The following SVOP variants were observed in gnomAD, a reference collection of about 807,000 sequenced individuals.
The protein encoded by SVOP is SV2 related protein.
Under a neutral mutation model 69.1 loss-of-function variants are expected in SVOP, and 17 were observed. The ratio of observed to expected loss-of-function variants is 0.25; its 90% CI spans 0.17 to 0.37. The LOEUF (loss-of-function observed/expected upper bound fraction) is 0.37. Among genes scored for constraint, SVOP ranks in the 10% least tolerant of loss-of-function variants. The pLI is 1.00. For synonymous variants in SVOP, 238 were observed against 238.6 expected, an observed-to-expected ratio of 1.00 and a Z score of 0.02; for missense variants, 435 against 597.5, an observed-to-expected ratio of 0.73 and a Z score of 2.84.
intron 12 of SVOP, among the ~76,000 whole-genome samples, chr12:108,922,269 T>C (rs1011395317): frequency 1.3e-5 from 2 of 152,202 alleles, no homozygotes; most frequent in Non-Finnish European, 2.9e-5. Context: ...GGCAGGCTAT[T>C]ATAAAATATT....
intron 6 of SVOP, among the ~76,000 whole-genome samples, chr12:108,960,038 T>A (rs2040008672): frequency 6.6e-6 from 1 of 152,212 alleles, no homozygotes; most frequent in South Asian, 2.1e-4. Flanking sequence ...GGTAAACCGT[T>A]TAGAACAGCA....
chr12:108,925,383 CCT>C (rs1338129789), intron 11 of SVOP, among the ~76,000 whole-genome samples: 1 of 152,164 alleles, frequency 6.6e-6, no homozygotes, highest in Non-Finnish European at 1.5e-5. Flanking sequence ...CGTCAACCAT[CCT>C]CTCTCATCTG....
chr12:108,923,259 A>C (rs12580021), intron 11 of SVOP, among the ~76,000 whole-genome samples: 43,775 of 152,090 alleles, frequency 0.29, 7,549 homozygotes, highest in Admixed American at 0.49. Context: ...GATTGCATTA[A>C]ACAAGACTGA....
chr12:108,916,388 T>G (rs2039713931), intron 14 of SVOP, among the ~76,000 whole-genome samples: 1 of 152,196 alleles, frequency 6.6e-6, no homozygotes, highest in African/African-American at 2.4e-5. Flanking sequence ...TTCCCATGTC[T>G]GCTGGCTGCG....
intron 1 of SVOP, among the ~76,000 whole-genome samples, chr12:109,018,894 C>A (rs1449542457): frequency 1.3e-5 from 2 of 152,108 alleles, no homozygotes; most frequent in African/African-American, 4.8e-5. Flanking sequence ...TTCACAATAA[C>A]CTTATGAATT....
At chr12:108,926,133 T>C (rs2039778990) in intron 11 of SVOP, among the ~76,000 whole-genome samples, 1 of 152,016 alleles carries the variant, frequency 6.6e-6, no homozygotes, top group Non-Finnish European at 1.5e-5. Context: ...ATTGCCCAGG[T>C]TGGTCTCGAA....
At chr12:108,968,153 G>A (rs958942487) in intron 5 of SVOP, among the ~76,000 whole-genome samples, 3 of 152,228 alleles carry the variant, frequency 2.0e-5, no homozygotes, top group African/African-American at 7.2e-5. Context: ...GAAAGTAGCA[G>A]AGAGTGGAAA....
At chr12:108,978,897 AAATT>A (rs2040120912) in intron 2 of SVOP, among the ~76,000 whole-genome samples, 1 of 152,270 alleles carries the variant, frequency 6.6e-6, no homozygotes, top group Non-Finnish European at 1.5e-5. Flanking sequence ...TTGGCTAAAT[AAATT>A]AAGTAGATAT....
chr12:108,997,645 C>G (rs1403778032), intron 1 of SVOP, among the ~76,000 whole-genome samples: 1 of 151,282 alleles, frequency 6.6e-6, no homozygotes, highest in Admixed American at 6.6e-5. Flanking sequence ...TCAAGTGGGT[C>G]CCTGACCCCT....
At chr12:108,937,134 T>C in intron 10 of SVOP, 130 bp downstream of exon 10, 1 of 805,260 alleles carries the variant, frequency 1.2e-6, no homozygotes, top group Non-Finnish European at 2.2e-6. Flanking sequence ...AGGAGGATGA[T>C]GTTCGAACTA....
intron 7 of SVOP, among the ~76,000 whole-genome samples, chr12:108,942,864 A>G (rs1413950521): frequency 6.6e-6 from 1 of 152,206 alleles, no homozygotes; most frequent in Non-Finnish European, 1.5e-5. Flanking sequence ...TCCCAGGCTC[A>G]AGCAATTATC....
chr12:108,926,322 G>A (rs187111366), intron 11 of SVOP: 4 of 152,246 alleles, frequency 2.6e-5, no homozygotes, highest in Admixed American at 2.6e-4. Flanking sequence ...TTTGCTTAGG[G>A]TAATGGCCTC....
chr12:108,923,075 A>C (rs12579999), intron 11 of SVOP, among the ~76,000 whole-genome samples: 43,863 of 152,154 alleles, frequency 0.29, 7,582 homozygotes, highest in Admixed American at 0.5. Context: ...TGTGCTTAGT[A>C]CAGAATTGGC....
intron 1 of SVOP, among the ~76,000 whole-genome samples, chr12:109,000,168 G>A (rs2040260557): frequency 6.6e-6 from 1 of 152,194 alleles, no homozygotes; most frequent in South Asian, 2.1e-4. Context: ...TACCATCAGA[G>A]AATAGTACAA....
intron 11 of SVOP, among the ~76,000 whole-genome samples, chr12:108,926,711 G>A (rs970324868): frequency 6.6e-6 from 1 of 152,330 alleles, no homozygotes; most frequent in Admixed American, 6.5e-5. Context: ...GCAGTTGACT[G>A]CCCTATACAT....
intron 1 of SVOP, among the ~76,000 whole-genome samples, chr12:109,008,875 C>T (rs1222386334): frequency 6.6e-6 from 1 of 151,838 alleles, no homozygotes; most frequent in African/African-American, 2.4e-5. Context: ...GAGTGGGTTA[C>T]TCTTCTGATT....
At chr12:108,980,098 C>T (rs2040127734) in intron 2 of SVOP, among the ~76,000 whole-genome samples, 1 of 152,008 alleles carries the variant, frequency 6.6e-6, no homozygotes, top group Non-Finnish European at 1.5e-5. Flanking sequence ...ATGACTTGAG[C>T]CAGGAAGGTT....
rs1175180947 is a variant in SVOP, at chr12:108,933,127, G to A, written c.1048+1068C>T. On this transcript the variant is annotated intron_variant, in intron 11 of 15. Transcript: ENST00000610966. Reference sequence around the variant, plus strand: ...CTCCTGGCCTCAGCCTACCTGCCTCGGCCTCCTAAAGTGCTGGGACTACAT... The same window carrying A: ...CTCCTGGCCTCAGCCTACCTGCCTCAGCCTCCTAAAGTGCTGGGACTACAT... Among the ~76,000 whole-genome samples the A allele has an allele frequency of 3.3e-5, 5 of 151,992 alleles. No individual in the cohort carries two copies. The South Asian group carries it at 6.2e-4, about 19-fold the overall frequency.
chr12:108,958,293 C>A (rs570780813), intron 6 of SVOP, among the ~76,000 whole-genome samples: 1 of 138,532 alleles, frequency 7.2e-6, no homozygotes, highest in South Asian at 2.6e-4. Flanking sequence ...TGTAAGGTAC[C>A]ATGCCTGGCC....
Sources: allele counts gnomAD v4.1 joint callset (sites outside exome capture counted in the v4.1 genomes callset), GRCh38; gene constraint gnomAD v4.1.1; transcripts MANE v1.5; gene names NCBI Gene and HGNC (gene_info 2026-07-23, HGNC 2026-07-21).